Variants in EYS observed in about 807,000 individuals in gnomAD.
EYS encodes EGF-like photoreceptor maintenance factor.
In EYS, 250 loss-of-function variants were observed where a neutral mutation model predicts 282.1. The observed-to-expected ratio is 0.89, with a 90% CI of 0.80 to 0.98. The LOEUF is 0.98. Ranked by LOEUF, EYS falls within the 50% of genes least tolerant of loss-of-function variation. The pLI, the probability that EYS is intolerant of heterozygous loss-of-function variation, is 0.00. For missense variants in EYS, 4,016 were observed against 3,709.0 expected (o/e 1.08, Z -2.15); for synonymous variants, 1,355 against 1,282.9 (o/e 1.06, Z -1.20).
chr6:65,163,698 A>T (rs1264998835), intron 12 of EYS, among the ~76,000 whole-genome samples: 1 of 151,352 alleles, frequency 6.6e-6, no homozygotes, highest in Non-Finnish European at 1.5e-5. Context: ...ATGAATTAAA[A>T]ATTATTTTTA....
At chr6:65,561,189 C>T (rs1769042542) in intron 2 of EYS, among the ~76,000 whole-genome samples, 1 of 152,086 alleles carries the variant, frequency 6.6e-6, no homozygotes, top group South Asian at 2.1e-4. Context: ...AAGTTGGGAC[C>T]CACATCTTAG....
At chr6:64,168,058 C>G (rs879468268) in intron 31 of EYS, among the ~76,000 whole-genome samples, 1 of 152,178 alleles carries the variant, frequency 6.6e-6, no homozygotes, top group South Asian at 2.1e-4. Flanking sequence ...GTGAGGAGAT[C>G]GAGACCATCC....
At chr6:64,349,005 T>A (rs930182620) in intron 29 of EYS, among the ~76,000 whole-genome samples, 2 of 151,426 alleles carry the variant, frequency 1.3e-5, no homozygotes, top group African/African-American at 2.4e-5. Flanking sequence ...AACCATAATG[T>A]TTCAACGTGG....
At chr6:64,261,396 T>A (rs1480267483) in intron 30 of EYS, among the ~76,000 whole-genome samples, 1 of 152,130 alleles carries the variant, frequency 6.6e-6, no homozygotes, top group South Asian at 2.1e-4. Context: ...TTGATATATT[T>A]AATCTAAGAT....
At chr6:64,601,920 T>C (rs1766773907) in intron 24 of EYS, among the ~76,000 whole-genome samples, 2 of 152,196 alleles carry the variant, frequency 1.3e-5, no homozygotes, top group Admixed American at 1.3e-4. Context: ...TTCCTCCTCA[T>C]GACCCTTGTT....
chr6:63,820,538 A>T (rs568586181), intron 36 of EYS, among the ~76,000 whole-genome samples: 132 of 152,274 alleles, frequency 8.7e-4, no homozygotes, highest in African/African-American at 3.1e-3. Flanking sequence ...GGCTATTCCA[A>T]ATTCTTAGAT....
At chr6:63,896,527 C>T (rs1031680320) in intron 35 of EYS, among the ~76,000 whole-genome samples, 5 of 152,194 alleles carry the variant, frequency 3.3e-5, no homozygotes, top group Non-Finnish European at 7.4e-5. Flanking sequence ...CAGAGCGGTA[C>T]ATGGGTTACA....
At chr6:64,968,703 G>C (rs1029037664) in intron 14 of EYS, among the ~76,000 whole-genome samples, 2 of 152,010 alleles carry the variant, frequency 1.3e-5, no homozygotes, top group African/African-American at 4.8e-5. Flanking sequence ...CTAGTCAATA[G>C]CCCCATTGGC....
At chr6:63,942,716 T>TA (rs1397541030) in intron 35 of EYS, among the ~76,000 whole-genome samples, 5 of 151,884 alleles carry the variant, frequency 3.3e-5, no homozygotes, top group South Asian at 2.1e-4. Context: ...TTTAGAGAAA[T>TA]AAAAAAAACA....
intron 12 of EYS, among the ~76,000 whole-genome samples, chr6:65,228,511 T>A (rs1025059895): frequency 5.3e-5 from 8 of 152,006 alleles, no homozygotes; most frequent in African/African-American, 1.9e-4. Context: ...CTTTTCCTCT[T>A]TTACACTATT....
chr6:65,134,729 G>A (rs1375482441), intron 12 of EYS, among the ~76,000 whole-genome samples: 4 of 151,982 alleles, frequency 2.6e-5, no homozygotes, highest in Admixed American at 2.0e-4. Flanking sequence ...AAACCTGTAT[G>A]TGTGCCCCTG....
At chr6:63,735,515 A>C (rs960476475) in intron 41 of EYS, among the ~76,000 whole-genome samples, 9 of 151,546 alleles carry the variant, frequency 5.9e-5, no homozygotes, top group South Asian at 4.2e-4. Flanking sequence ...ACACACACAC[A>C]CCCTACTTAT....
intron 35 of EYS, among the ~76,000 whole-genome samples, chr6:63,906,270 C>T (rs889428172): frequency 6.6e-5 from 10 of 152,190 alleles, no homozygotes; most frequent in African/African-American, 2.2e-4. Flanking sequence ...TATTTTTAGT[C>T]TACTGTACTG....
intron 26 of EYS, among the ~76,000 whole-genome samples, chr6:64,576,207 G>T (rs1362600723): frequency 1.3e-5 from 2 of 152,170 alleles, no homozygotes; most frequent in East Asian, 3.9e-4. Context: ...TGTAGTAAGT[G>T]ATCTGAGAAC....
intron 5 of EYS, among the ~76,000 whole-genome samples, chr6:65,416,661 G>A (rs9453298): frequency 0.48 from 73,002 of 151,682 alleles, 17,880 homozygotes; most frequent in South Asian, 0.57. Flanking sequence ...CTTTTGGTCA[G>A]TCCTCTGATG....
At chr6:65,499,359 G>A (rs1447289794) in intron 2 of EYS, among the ~76,000 whole-genome samples, 1 of 151,998 alleles carries the variant, frequency 6.6e-6, no homozygotes, top group African/African-American at 2.4e-5. Flanking sequence ...ATTAAAGATA[G>A]TTGAGTAGAG....
chr6:63,932,622 T>TA (rs1278395333), intron 35 of EYS, among the ~76,000 whole-genome samples: 1 of 152,158 alleles, frequency 6.6e-6, no homozygotes, highest in African/African-American at 2.4e-5. Context: ...CTGATTCTAG[T>TA]AAAAATTCTC....
At chr6:64,975,598 C>A (rs2150113464) in intron 14 of EYS, among the ~76,000 whole-genome samples, 1 of 151,756 alleles carries the variant, frequency 6.6e-6, no homozygotes, top group Non-Finnish European at 1.5e-5. Flanking sequence ...AACAAGTGAC[C>A]ATTTGTTTCA....
intron 13 of EYS, among the ~76,000 whole-genome samples, chr6:65,025,351 C>A (rs1222219497): frequency 4.6e-5 from 7 of 152,124 alleles, no homozygotes; most frequent in African/African-American, 1.4e-4. Context: ...CTACTAAAAT[C>A]TCTGCAATAA....
Sources: gnomAD v4.1 joint callset for allele counts (sites outside exome capture counted in the v4.1 genomes callset) on GRCh38, gnomAD v4.1.1 for gene constraint, MANE v1.5 for transcripts, NCBI Gene and HGNC (gene_info 2026-07-23, HGNC 2026-07-21) for gene names.